C3orf20: variants seen among roughly 807,000 people sequenced by gnomAD.
C3orf20 encodes the protein uncharacterized protein C3orf20.
A neutral mutation model predicts 88.3 loss-of-function variants in C3orf20; 76 were observed. The observed-to-expected ratio is 0.86, with a 90% CI of 0.72 to 1.04. The LOEUF (loss-of-function observed/expected upper bound fraction) is 1.04, where lower values mean the gene tolerates loss of function less well. Ranked by LOEUF, C3orf20 falls within the 50% of genes least tolerant of loss-of-function variation. The pLI is 0.00. For missense variants in C3orf20, 1,056 were observed against 1,123.3 expected, an observed-to-expected ratio of 0.94 and a Z score of 0.86; for synonymous variants, 436 against 437.4, an observed-to-expected ratio of 1.00 and a Z score of 0.04.
intron 10 of C3orf20, chr3:14,722,659 T>C (rs1157211601): frequency 2.2e-6 from 1 of 447,678 alleles, no homozygotes; most frequent in Non-Finnish European, 4.5e-6. Flanking sequence ...TCTCCACAAA[T>C]TGAAAATTCC....
At chr3:14,677,942 C>T (rs1575080408) in intron 1 of C3orf20, among the ~76,000 whole-genome samples, 1 of 127,286 alleles carries the variant, frequency 7.9e-6, no homozygotes, top group East Asian at 2.3e-4. Flanking sequence ...GAAGGAGCAC[C>T]CTACAATGCA....
chr3:14,699,110 G>A (rs2033136334), intron 5 of C3orf20, among the ~76,000 whole-genome samples: 1 of 152,114 alleles, frequency 6.6e-6, no homozygotes, highest in Non-Finnish European at 1.5e-5. Flanking sequence ...TAAGGTCCAA[G>A]GACTCTTCAG....
intron 5 of C3orf20, among the ~76,000 whole-genome samples, chr3:14,692,293 T>C (rs993112297): frequency 8.5e-5 from 13 of 152,190 alleles, no homozygotes; most frequent in Non-Finnish European, 7.3e-5. Context: ...GCATAGTAGC[T>C]CTATCTTTAT....
chr3:14,753,335 T>C (rs1270705010), intron 12 of C3orf20, among the ~76,000 whole-genome samples: 2 of 151,992 alleles, frequency 1.3e-5, no homozygotes, highest in Non-Finnish European at 2.9e-5. Context: ...CCAGGGCCTG[T>C]TGTGGGGTCA....
intron 1 of C3orf20, among the ~76,000 whole-genome samples, chr3:14,676,087 G>T (rs1009524903): frequency 6.6e-6 from 1 of 150,538 alleles, no homozygotes; most frequent in East Asian, 2.0e-4. Context: ...TCTGTGGGGT[G>T]TACTGCATTC....
At chr3:14,731,898 C>G (rs2034550018) in intron 12 of C3orf20, among the ~76,000 whole-genome samples, 1 of 152,198 alleles carries the variant, frequency 6.6e-6, no homozygotes, top group South Asian at 2.1e-4. Context: ...CATTCAACCA[C>G]TGAAAGACAT....
chr3:14,692,538 T>C lies in C3orf20; in HGVS notation c.745+2422T>C, dbSNP rs541991244. On this transcript the variant is annotated intron_variant, in intron 5 of 16. Coordinates refer to ENST00000253697, the MANE Select transcript of C3orf20 (RefSeq NM_032137.5). ...TTCATATACCTATTTGCCATTTGTA[T>C]GTCTTTTTTTGAGAAGAATGAGCTT... Among the ~76,000 whole-genome samples, 8 of 152,360 alleles carry C rather than the reference T, an allele frequency of 5.3e-5. No individual in the cohort carries two copies. The South Asian group carries it at 1.7e-3, about 32-fold the overall frequency.
At chr3:14,679,042 A>C (rs1392494184) in intron 1 of C3orf20, among the ~76,000 whole-genome samples, 1 of 152,172 alleles carries the variant, frequency 6.6e-6, no homozygotes, top group African/African-American at 2.4e-5. Flanking sequence ...CCATGCTTCC[A>C]ATGTCACCAT....
intron 13 of C3orf20, among the ~76,000 whole-genome samples, chr3:14,758,143 A>G (rs905758770): frequency 1.3e-5 from 2 of 152,156 alleles, no homozygotes; most frequent in Non-Finnish European, 2.9e-5. Context: ...AGGAGCTCCC[A>G]GTGTGGCAGC....
intron 5 of C3orf20, among the ~76,000 whole-genome samples, chr3:14,700,824 G>T (rs2033231156): frequency 6.6e-6 from 1 of 152,226 alleles, no homozygotes; most frequent in African/African-American, 2.4e-5. Flanking sequence ...AGCCATTCTG[G>T]TTTGAAGTCA....
At chr3:14,688,501 C>T (rs2032551376) in intron 4 of C3orf20, among the ~76,000 whole-genome samples, 1 of 131,222 alleles carries the variant, frequency 7.6e-6, no homozygotes, top group Non-Finnish European at 1.5e-5. Context: ...CACTGCACTC[C>T]AGCCTGGATG....
chr3:14,747,988 A>G (rs1306808634), intron 12 of C3orf20, among the ~76,000 whole-genome samples: 2 of 152,164 alleles, frequency 1.3e-5, no homozygotes, highest in Non-Finnish European at 2.9e-5. Flanking sequence ...TGGCTTTGGT[A>G]TCAGGGTAAT....
intron 1 of C3orf20, among the ~76,000 whole-genome samples, chr3:14,679,286 G>A (rs75165238): frequency 0.017 from 2,626 of 152,276 alleles, 36 homozygotes; most frequent in African/African-American, 0.042. Context: ...CAAGATCCAT[G>A]TCTCAGTGAT....
intron 15 of C3orf20, among the ~76,000 whole-genome samples, chr3:14,770,932 A>G (rs2035844065): frequency 6.6e-6 from 1 of 152,236 alleles, no homozygotes; most frequent in African/African-American, 2.4e-5. Flanking sequence ...GAATGGCTGC[A>G]AAGCTGTGAG....
intron 7 of C3orf20, among the ~76,000 whole-genome samples, chr3:14,708,287 T>A (rs1377649338): frequency 6.6e-6 from 1 of 152,222 alleles, no homozygotes; most frequent in Admixed American, 6.5e-5. Flanking sequence ...TCTTTCCCCA[T>A]TGAATGGTCA....
At chr3:14,771,572 C>G (rs1024064972) in intron 15 of C3orf20, among the ~76,000 whole-genome samples, 1 of 152,272 alleles carries the variant, frequency 6.6e-6, no homozygotes, top group Admixed American at 6.5e-5. Context: ...TGTAGAGGAA[C>G]ACCAGTTATG....
At chr3:14,707,446 TG>T (rs1328266387) in intron 7 of C3orf20, among the ~76,000 whole-genome samples, 8 of 3,576 alleles carry the variant, frequency 2.2e-3, no homozygotes, top group African/African-American at 8.8e-3. Context: ...CATCTTTTCT[TG>T]TGTGTGTGTG....
intron 7 of C3orf20, among the ~76,000 whole-genome samples, chr3:14,706,120 G>C (rs1029902608): frequency 6.6e-6 from 1 of 152,102 alleles, no homozygotes; most frequent in Non-Finnish European, 1.5e-5. Context: ...CCCCAACCAG[G>C]CTCTGCTGGC....
chr3:14,706,068 G>A (rs1696356111), intron 7 of C3orf20, among the ~76,000 whole-genome samples: 1 of 152,146 alleles, frequency 6.6e-6, no homozygotes, highest in African/African-American at 2.4e-5. Context: ...AGGAGAGGAC[G>A]GGTCTCTGGG....
Sources: allele counts gnomAD v4.1 joint callset (sites outside exome capture counted in the v4.1 genomes callset), GRCh38; gene constraint gnomAD v4.1.1; transcripts MANE v1.5; gene names NCBI Gene and HGNC (gene_info 2026-07-23, HGNC 2026-07-21).